SPMIP2: variants seen among roughly 807,000 people sequenced by gnomAD.
SPMIP2 encodes sperm microtubule inner protein 2.
the SPMIP2 span, among the ~76,000 whole-genome samples, chr4:158,928,587 T>C: frequency 6.6e-6 from 1 of 152,084 alleles, no homozygotes; most frequent in Non-Finnish European, 1.5e-5. Flanking sequence ...CACTCAGCTC[T>C]ACCAAGCAGC....
the SPMIP2 span, among the ~76,000 whole-genome samples, chr4:158,979,795 T>G: frequency 3.5e-4 from 27 of 77,022 alleles, no homozygotes; most frequent in Admixed American, 3.1e-4. Flanking sequence ...AAGAGTTTTT[T>G]TTTTTTTTTT....
At chr4:159,043,200 C>A in the SPMIP2 span, among the ~76,000 whole-genome samples, 1 of 152,150 alleles carries the variant, frequency 6.6e-6, no homozygotes, top group African/African-American at 2.4e-5. Flanking sequence ...ACTTCCAACT[C>A]CCTTTGAAAA....
chr4:158,982,309 G>A, the SPMIP2 span, among the ~76,000 whole-genome samples: 408 of 152,262 alleles, frequency 2.7e-3, 2 homozygotes, highest in Non-Finnish European at 4.6e-3. Context: ...ATATTAGACA[G>A]ATCAACAGGA....
At chr4:158,986,788 A>T in the SPMIP2 span, among the ~76,000 whole-genome samples, 250 of 152,078 alleles carry the variant, frequency 1.6e-3, no homozygotes, top group African/African-American at 5.6e-3. Flanking sequence ...AATGGGATCT[A>T]ATCAAACTAA....
At chr4:159,075,804 A>T in the SPMIP2 span, among the ~76,000 whole-genome samples, 137 of 133,796 alleles carry the variant, frequency 1.0e-3, no homozygotes, top group South Asian at 5.6e-3. Context: ...TTTTTTTTTT[A>T]AATTCTGAAA....
At chr4:158,999,205 C>T in the SPMIP2 span, among the ~76,000 whole-genome samples, 1 of 150,086 alleles carries the variant, frequency 6.7e-6, no homozygotes, top group South Asian at 2.1e-4. Context: ...CCCAAAAAAA[C>T]CCATTGACTT....
the SPMIP2 span, among the ~76,000 whole-genome samples, chr4:159,071,675 T>TC: frequency 2.6e-5 from 4 of 152,160 alleles, no homozygotes; most frequent in Admixed American, 2.6e-4. Flanking sequence ...ACCTGAGAAT[T>TC]CTTTTTTTTC....
chr4:158,937,559 A>C, the SPMIP2 span: 2 of 154,392 alleles, frequency 1.3e-5, no homozygotes, highest in African/African-American at 4.8e-5. Context: ...TGTTTAAAAT[A>C]AAGGTCCAAA....
At chr4:158,902,596 C>G in the SPMIP2 span, among the ~76,000 whole-genome samples, 1 of 152,216 alleles carries the variant, frequency 6.6e-6, no homozygotes, top group Non-Finnish European at 1.5e-5. Context: ...CCGCCCCTTC[C>G]CCCAGGTGCT....
the SPMIP2 span, among the ~76,000 whole-genome samples, chr4:159,000,970 G>A: frequency 6.6e-6 from 1 of 152,114 alleles, no homozygotes; most frequent in Non-Finnish European, 1.5e-5. Context: ...GAACATTTGT[G>A]TATTAATCTT....
the SPMIP2 span, among the ~76,000 whole-genome samples, chr4:158,971,799 C>T: frequency 1.4e-3 from 220 of 152,224 alleles, no homozygotes; most frequent in Middle Eastern, 3.4e-3. Flanking sequence ...TATCCTAGAA[C>T]TAAGATTTCA....
the SPMIP2 span, among the ~76,000 whole-genome samples, chr4:158,940,293 A>G: frequency 2.0e-4 from 30 of 152,220 alleles, no homozygotes; most frequent in Admixed American, 7.9e-4. Flanking sequence ...TTTTAACTTA[A>G]TTACCTCTTT....
the SPMIP2 span, among the ~76,000 whole-genome samples, chr4:158,981,006 C>G: frequency 1.3e-5 from 2 of 152,134 alleles, no homozygotes; most frequent in East Asian, 3.8e-4. Flanking sequence ...TAGAGAAGAA[C>G]ATAGATGACC....
the SPMIP2 span, chr4:159,007,240 A>G: frequency 4.3e-6 from 6 of 1,391,432 alleles, no homozygotes; most frequent in Non-Finnish European, 6.0e-6. Flanking sequence ...ACAGAAAATC[A>G]TATACTTGAA....
chr4:158,913,491 G>A, the SPMIP2 span, among the ~76,000 whole-genome samples: 1 of 152,020 alleles, frequency 6.6e-6, no homozygotes, highest in Middle Eastern at 3.2e-3. Context: ...CAAAGTGCTG[G>A]GTTTATAGGT....
chr4:158,921,076 T>A, the SPMIP2 span, among the ~76,000 whole-genome samples: 1 of 152,356 alleles, frequency 6.6e-6, no homozygotes, highest in South Asian at 2.1e-4. Flanking sequence ...CGTTGAAATA[T>A]TGGGGGCAGG....
At chr4:158,984,368 C>A in the SPMIP2 span, among the ~76,000 whole-genome samples, 3,902 of 148,864 alleles carry the variant, frequency 0.026, 165 homozygotes, top group African/African-American at 0.088. Flanking sequence ...CCAAAATTGA[C>A]CACATACTTG....
chr4:158,944,641 A>G, the SPMIP2 span, among the ~76,000 whole-genome samples: 2 of 152,142 alleles, frequency 1.3e-5, no homozygotes, highest in African/African-American at 4.8e-5. Context: ...ATCCACCTGA[A>G]CTCATCATCT....
chr4:158,968,671 A>C, the SPMIP2 span, among the ~76,000 whole-genome samples: 28 of 152,310 alleles, frequency 1.8e-4, no homozygotes, highest in African/African-American at 6.7e-4. Context: ...TCACCTGTTG[A>C]TACCTCAGTT....
Sources: gnomAD v4.1 joint callset for allele counts (sites outside exome capture counted in the v4.1 genomes callset) on GRCh38, gnomAD v4.1.1 for gene constraint, MANE v1.5 for transcripts, NCBI Gene and HGNC (gene_info 2026-07-23, HGNC 2026-07-21) for gene names.